ALOX5: variants seen among roughly 807,000 people sequenced by gnomAD.
ALOX5 encodes arachidonate 5-lipoxygenase, also known as polyunsaturated fatty acid 5-lipoxygenase.
In ALOX5, 64 loss-of-function variants were observed where a neutral mutation model predicts 87.9. The ratio of observed to expected loss-of-function variants is 0.73; its 90% CI spans 0.60 to 0.90. ALOX5 has a LOEUF of 0.90. Ranked by LOEUF, ALOX5 falls within the 40% of genes least tolerant of loss-of-function variation. The probability of loss-of-function intolerance (pLI) is 0.00; values close to 1 mark genes in which losing one functional copy is unlikely to be tolerated. For missense variants in ALOX5, 822 were observed against 907.5 expected, an observed-to-expected ratio of 0.91 and a Z score of 1.21; for synonymous variants, 388 against 355.1, an observed-to-expected ratio of 1.09 and a Z score of -1.04.
chr10:45,374,768 G>A (rs955670912), intron 1 of ALOX5, among the ~76,000 whole-genome samples: 4 of 152,200 alleles, frequency 2.6e-5, no homozygotes, highest in African/African-American at 9.6e-5. Context: ...GGGCTCCGAG[G>A]CTCCGGAGCC....
At chr10:45,389,104 T>G (rs933087946) in intron 2 of ALOX5, among the ~76,000 whole-genome samples, 1 of 151,932 alleles carries the variant, frequency 6.6e-6, no homozygotes, top group Non-Finnish European at 1.5e-5. Context: ...TGACTGAAGA[T>G]CAAATGAATG....
intron 3 of ALOX5, among the ~76,000 whole-genome samples, chr10:45,406,279 T>TA (rs1201992984): frequency 2.0e-5 from 3 of 152,218 alleles, no homozygotes; most frequent in African/African-American, 7.2e-5. Flanking sequence ...AGTTTTGTAT[T>TA]ATGTATACAT....
intron 3 of ALOX5, among the ~76,000 whole-genome samples, chr10:45,406,340 G>A (rs1248450040): frequency 2.0e-5 from 3 of 152,260 alleles, no homozygotes; most frequent in East Asian, 1.9e-4. Flanking sequence ...TTTTCTACTC[G>A]AGACCCCAGC....
chr10:45,387,625 C>G (rs913435027), intron 2 of ALOX5, among the ~76,000 whole-genome samples: 2 of 152,158 alleles, frequency 1.3e-5, no homozygotes, highest in Non-Finnish European at 2.9e-5. Flanking sequence ...TAGGCATGTA[C>G]TGTGCCTGCC....
intron 9 of ALOX5, among the ~76,000 whole-genome samples, chr10:45,442,301 T>G (rs762056160): frequency 1.3e-4 from 20 of 152,026 alleles, no homozygotes; most frequent in Non-Finnish European, 2.8e-4. Context: ...CCACCTCAGG[T>G]TCTCATGTGG....
At chr10:45,415,043 T>C (rs895454828) in intron 4 of ALOX5, among the ~76,000 whole-genome samples, 5 of 152,204 alleles carry the variant, frequency 3.3e-5, no homozygotes, top group African/African-American at 2.4e-5. Context: ...CTCAAGGATC[T>C]AGAACTAGAA....
intron 3 of ALOX5, among the ~76,000 whole-genome samples, chr10:45,399,260 A>G (rs776687784): frequency 5.4e-4 from 82 of 152,246 alleles, no homozygotes; most frequent in Non-Finnish European, 3.2e-4. Context: ...CTGTACAGAT[A>G]TAAAGTAGAT....
At position 45,443,536 on chromosome 10, in the gene ALOX5, A is replaced by G; in HGVS notation, c.1572A>G (p.Ser524=). 1 of 1,610,966 alleles carries G rather than the reference A, an allele frequency of 6.2e-7. No individual in the cohort carries two copies. Among genetic ancestry groups the G allele is most frequent in the Non-Finnish European group, 8.5e-7 (1 of 1,178,190 alleles). The change falls in exon 11 of 14, where the codon TCA becomes TCG. Residue 524 remains serine (S), a splice_region_variant and synonymous_variant. Transcript: ENST00000374391. ...ACGGCATGCGGGGCCGCAAGTCCTCAGGTAGGGCCTCCGGGACGTCTCCGG... is the reference window on the plus strand; with the variant it reads ...ACGGCATGCGGGGCCGCAAGTCCTCGGGTAGGGCCTCCGGGACGTCTCCGG... ...YVYGMRGRKS[S]GFPKSVKSRE... is the part of the protein sequence containing the mutation.
intron 6 of ALOX5, among the ~76,000 whole-genome samples, chr10:45,427,539 G>T (rs988475707): frequency 1.3e-5 from 2 of 152,238 alleles, no homozygotes; most frequent in Admixed American, 1.3e-4. Flanking sequence ...CCTGCGTGCC[G>T]CCGGGCAGCC....
At chr10:45,424,576 T>C (rs1205322924) in intron 5 of ALOX5, among the ~76,000 whole-genome samples, 1 of 152,160 alleles carries the variant, frequency 6.6e-6, no homozygotes, top group Non-Finnish European at 1.5e-5. Context: ...AGTCATGGCA[T>C]GGGAAGGACG....
At chr10:45,434,711 G>T (rs552608886) in intron 7 of ALOX5, among the ~76,000 whole-genome samples, 24 of 152,370 alleles carry the variant, frequency 1.6e-4, no homozygotes, top group African/African-American at 5.1e-4. Context: ...ACACAAGGAC[G>T]CAGTGTCACC....
chr10:45,429,981 A>G (rs1476847760), intron 7 of ALOX5, among the ~76,000 whole-genome samples: 1 of 152,206 alleles, frequency 6.6e-6, no homozygotes. Flanking sequence ...TCTAGATTCC[A>G]GCCTCCCCAC....
At chr10:45,440,033 C>G (rs1243440763) in intron 7 of ALOX5, among the ~76,000 whole-genome samples, 1 of 152,134 alleles carries the variant, frequency 6.6e-6, no homozygotes, top group Non-Finnish European at 1.5e-5. Context: ...GTATGAGAGA[C>G]CAAGGAGAGG....
chr10:45,380,668 A>G (rs1839794411), intron 1 of ALOX5, among the ~76,000 whole-genome samples: 1 of 152,216 alleles, frequency 6.6e-6, no homozygotes, highest in Admixed American at 6.5e-5. Flanking sequence ...GGGGCCAGGC[A>G]CAGTGGCTCA....
chr10:45,387,533 G>A (rs1840050645), intron 2 of ALOX5, among the ~76,000 whole-genome samples: 1 of 152,158 alleles, frequency 6.6e-6, no homozygotes, highest in Non-Finnish European at 1.5e-5. Context: ...TCTGCACCAG[G>A]GGCCCTTAGG....
intron 3 of ALOX5, among the ~76,000 whole-genome samples, chr10:45,408,046 GTTC>G (rs774126403): frequency 5.3e-5 from 8 of 152,194 alleles, no homozygotes; most frequent in South Asian, 2.1e-4. Flanking sequence ...GCTTAAAGGA[GTTC>G]TTCTTTTATT....
chr10:45,391,287 G>C (rs1840237968), intron 2 of ALOX5, among the ~76,000 whole-genome samples: 1 of 152,324 alleles, frequency 6.6e-6, no homozygotes, highest in South Asian at 2.1e-4. Flanking sequence ...TGGAGACGGG[G>C]TTTCGCTGTG....
intron 7 of ALOX5, among the ~76,000 whole-genome samples, chr10:45,429,527 C>A (rs1393166194): frequency 6.6e-6 from 1 of 152,226 alleles, no homozygotes; most frequent in African/African-American, 2.4e-5. Context: ...AATCCCTTAC[C>A]CTCGATTCTA....
At chr10:45,422,512 G>A (rs773356202) in intron 4 of ALOX5, among the ~76,000 whole-genome samples, 12 of 152,208 alleles carry the variant, frequency 7.9e-5, no homozygotes, top group Non-Finnish European at 1.8e-4. Flanking sequence ...ACCAGGTGAG[G>A]TCACCTCTTA....
Sources: gnomAD v4.1 joint callset for allele counts (sites outside exome capture counted in the v4.1 genomes callset) on GRCh38, gnomAD v4.1.1 for gene constraint, MANE v1.5 for transcripts, NCBI Gene and HGNC (gene_info 2026-07-23, HGNC 2026-07-21) for gene names.